ATXN8OS: variants seen among roughly 807,000 people sequenced by gnomAD.
The protein encoded by ATXN8OS is ATXN8 opposite strand (non-protein coding).
intron 3 of ATXN8OS, among the ~76,000 whole-genome samples, chr13:70,137,632 G>T (rs976543139): frequency 6.6e-6 from 1 of 151,822 alleles, no homozygotes; most frequent in South Asian, 2.1e-4. Flanking sequence ...CCAAAATGAA[G>T]AACTACTGTA....
At chr13:70,157,125 A>AT (rs5804488) in intron 4 of ATXN8OS, among the ~76,000 whole-genome samples, 47,175 of 151,894 alleles carry the variant, frequency 0.31, 8,594 homozygotes, top group African/African-American at 0.51. Flanking sequence ...TTTCATACCG[A>AT]TTTTTTGATT....
chr13:70,139,556 C>T, intron 3 of ATXN8OS: 1 of 483,888 alleles, frequency 2.1e-6, no homozygotes, highest in Non-Finnish European at 3.7e-6. Flanking sequence ...TTTTTCAATA[C>T]ATCCTTCCAA....
intron 3 of ATXN8OS, among the ~76,000 whole-genome samples, chr13:70,144,746 A>G (rs113197891): frequency 2.6e-5 from 4 of 152,106 alleles, no homozygotes; most frequent in Non-Finnish European, 5.9e-5. Context: ...GCCTTTGGTA[A>G]TGCTAAAAAG....
At chr13:70,139,383 ACTGCTGCTGCTGCTGCTGCTGCTGCTG>A (rs193922930) in intron 3 of ATXN8OS, 54 of 458,318 alleles carry the variant, frequency 1.2e-4, no homozygotes, top group Non-Finnish European at 1.8e-4. Context: ...TACTACTACT[ACTGCTGCTGCTGCTGCTGCTGCTGCTG>A]CTGCTGCTGC....
chr13:70,109,615 A>G (rs1888168320), intron 1 of ATXN8OS, among the ~76,000 whole-genome samples: 1 of 152,204 alleles, frequency 6.6e-6, no homozygotes, highest in South Asian at 2.1e-4. Context: ...AGTGCTTTTA[A>G]AATATTGATT....
chr13:70,123,825 T>C (rs1009774045), intron 2 of ATXN8OS, among the ~76,000 whole-genome samples: 40 of 152,130 alleles, frequency 2.6e-4, no homozygotes, highest in African/African-American at 9.2e-4. Flanking sequence ...TTTTGAATTA[T>C]TGTATTTATT....
intron 2 of ATXN8OS, among the ~76,000 whole-genome samples, chr13:70,117,238 A>T (rs1305890691): frequency 6.6e-6 from 1 of 152,056 alleles, no homozygotes; most frequent in African/African-American, 2.4e-5. Flanking sequence ...ACACATACAC[A>T]TATGCACACA....
intron 3 of ATXN8OS, among the ~76,000 whole-genome samples, chr13:70,136,187 G>A (rs971424330): frequency 2.0e-5 from 3 of 152,148 alleles, no homozygotes; most frequent in Non-Finnish European, 4.4e-5. Context: ...TATGTAATTG[G>A]TAGAAATCTG....
chr13:70,145,970 C>A (rs552454653), intron 3 of ATXN8OS, among the ~76,000 whole-genome samples: 23 of 144,460 alleles, frequency 1.6e-4, no homozygotes, highest in East Asian at 2.2e-4. Flanking sequence ...TCAGAGTGAA[C>A]AGGCAACCTA....
intron 1 of ATXN8OS, chr13:70,115,090 A>G (rs1473362242): frequency 2.5e-6 from 1 of 396,950 alleles, no homozygotes; most frequent in African/African-American, 2.1e-5. Flanking sequence ...GCTATAACAG[A>G]ACACTACATA....
At chr13:70,116,297 G>T (rs1413206476) in intron 2 of ATXN8OS, among the ~76,000 whole-genome samples, 1 of 152,022 alleles carries the variant, frequency 6.6e-6, no homozygotes, top group Non-Finnish European at 1.5e-5. Context: ...ATAAACCATG[G>T]AAGAAATACA....
intron 2 of ATXN8OS, among the ~76,000 whole-genome samples, chr13:70,115,807 A>AT (rs1009292264): frequency 1.6e-4 from 24 of 152,118 alleles, no homozygotes; most frequent in Non-Finnish European, 2.6e-4. Flanking sequence ...TTCTACAATT[A>AT]TTTAGTATGA....
At chr13:70,144,761 C>T (rs1213722908) in intron 3 of ATXN8OS, among the ~76,000 whole-genome samples, 1 of 152,080 alleles carries the variant, frequency 6.6e-6, no homozygotes, top group African/African-American at 2.4e-5. Flanking sequence ...AAAAAGACAT[C>T]ACCAAACTTA....
chr13:70,126,593 T>C (rs1281993536), intron 2 of ATXN8OS, among the ~76,000 whole-genome samples: 1 of 146,958 alleles, frequency 6.8e-6, no homozygotes, highest in Non-Finnish European at 1.5e-5. Flanking sequence ...ACTATTTCTA[T>C]CTATCTAGAC....
intron 2 of ATXN8OS, among the ~76,000 whole-genome samples, chr13:70,125,319 T>C (rs1314790807): frequency 6.6e-6 from 1 of 152,178 alleles, no homozygotes; most frequent in African/African-American, 2.4e-5. Context: ...ACCCAACTAC[T>C]TGTCAATATA....
chr13:70,156,780 T>C (rs1888942855), intron 4 of ATXN8OS, among the ~76,000 whole-genome samples: 1 of 152,140 alleles, frequency 6.6e-6, no homozygotes, highest in South Asian at 2.1e-4. Flanking sequence ...TAGCTTCAAA[T>C]TTTTATTTCC....
At chr13:70,139,377 ACTACTACTG>A (rs1297195878) in intron 3 of ATXN8OS, 53 of 646,032 alleles carry the variant, frequency 8.2e-5, no homozygotes, top group Admixed American at 4.9e-4. Flanking sequence ...TACTACTACT[ACTACTACTG>A]CTGCTGCTGC....
At chr13:70,156,890 T>C (rs958437693) in intron 4 of ATXN8OS, among the ~76,000 whole-genome samples, 1 of 152,196 alleles carries the variant, frequency 6.6e-6, no homozygotes, top group Non-Finnish European at 1.5e-5. Flanking sequence ...TCAGTAGTCA[T>C]GGAAGACAGG....
intron 2 of ATXN8OS, among the ~76,000 whole-genome samples, chr13:70,128,571 G>GT (rs1888479168): frequency 6.6e-6 from 1 of 151,778 alleles, no homozygotes; most frequent in African/African-American, 2.4e-5. Context: ...TACAATCTCA[G>GT]TAGTGCATTT....
Sources: allele counts gnomAD v4.1 joint callset (sites outside exome capture counted in the v4.1 genomes callset), GRCh38; gene constraint gnomAD v4.1.1; transcripts MANE v1.5; gene names NCBI Gene and HGNC (gene_info 2026-07-23, HGNC 2026-07-21).